CPNE8: variants seen among roughly 807,000 people sequenced by gnomAD.
CPNE8 encodes copine 8.
Under a neutral mutation model 81.5 loss-of-function variants are expected in CPNE8, and 45 were observed. The observed-to-expected ratio is 0.55, with a 90% CI of 0.44 to 0.71. The LOEUF is 0.71. CPNE8 is among the 30% of genes least tolerant of loss of function. CPNE8 has a pLI of 0.00. For missense variants in CPNE8, 594 were observed against 672.1 expected (o/e 0.88, Z 1.28); for synonymous variants, 252 against 226.3 (o/e 1.11, Z -1.02).
chr12:38,868,313 T>C (rs1943944530), intron 3 of CPNE8, among the ~76,000 whole-genome samples: 1 of 152,162 alleles, frequency 6.6e-6, no homozygotes, highest in Non-Finnish European at 1.5e-5. Flanking sequence ...TTGGTCAAAT[T>C]GATAAATAAA....
At chr12:38,795,902 A>AGATAGATAGATAGATAGATAGAT (rs1565620261) in intron 6 of CPNE8, among the ~76,000 whole-genome samples, 1 of 19,468 alleles carries the variant, frequency 5.1e-5, no homozygotes, top group Non-Finnish European at 1.5e-4. Flanking sequence ...GATAGATAGA[A>AGATAGATAGATAGATAGATAGAT]GATAGATAAT....
intron 8 of CPNE8, among the ~76,000 whole-genome samples, chr12:38,765,141 AATGT>A (rs1304026130): frequency 6.6e-6 from 1 of 152,218 alleles, no homozygotes; most frequent in Non-Finnish European, 1.5e-5. Flanking sequence ...TCTCATTTCT[AATGT>A]ATTAGATATC....
intron 13 of CPNE8, among the ~76,000 whole-genome samples, chr12:38,718,785 G>A (rs943159958): frequency 6.6e-6 from 1 of 152,050 alleles, no homozygotes; most frequent in Non-Finnish European, 1.5e-5. Context: ...TTGCAGCTTT[G>A]TTTATAATAA....
At chr12:38,879,072 T>G (rs1944110016) in intron 1 of CPNE8, among the ~76,000 whole-genome samples, 1 of 152,172 alleles carries the variant, frequency 6.6e-6, no homozygotes, top group African/African-American at 2.4e-5. Flanking sequence ...ATAATTTAAG[T>G]GATCTAAATA....
chr12:38,844,259 G>A (rs891580948), intron 4 of CPNE8, among the ~76,000 whole-genome samples: 5 of 152,076 alleles, frequency 3.3e-5, no homozygotes, highest in African/African-American at 1.2e-4. Context: ...CGAATGAGAA[G>A]AGTTATTTCT....
At chr12:38,860,019 A>G (rs1243104489) in intron 3 of CPNE8, among the ~76,000 whole-genome samples, 2 of 152,142 alleles carry the variant, frequency 1.3e-5, no homozygotes, top group Non-Finnish European at 2.9e-5. Context: ...ATTCTTGATT[A>G]TAACACCAAA....
intron 14 of CPNE8, 37 bp downstream of exon 14, chr12:38,702,838 C>T (rs1332152698): frequency 8.0e-7 from 1 of 1,243,740 alleles, no homozygotes; most frequent in Non-Finnish European, 1.1e-6. Flanking sequence ...CATGTAATTG[C>T]TGATGATTTT....
chr12:38,902,315 GGAAAGAAAGAAAGAAAGAAAGAAA>G (rs201678434), intron 1 of CPNE8, among the ~76,000 whole-genome samples: 2 of 83,772 alleles, frequency 2.4e-5, no homozygotes, highest in Non-Finnish European at 2.3e-5. Context: ...AAGGAAGGAA[GGAAAGAAAGAAAGAAAGAAAGAAA>G]GAAAGAAAGA....
At chr12:38,725,528 C>G (rs112041514) in intron 11 of CPNE8, among the ~76,000 whole-genome samples, 1 of 152,076 alleles carries the variant, frequency 6.6e-6, no homozygotes, top group Non-Finnish European at 1.5e-5. Flanking sequence ...ATGGGATAAA[C>G]GTAATACATA....
At chr12:38,696,180 C>G (rs1176542965) in intron 14 of CPNE8, among the ~76,000 whole-genome samples, 2 of 152,140 alleles carry the variant, frequency 1.3e-5, no homozygotes, top group Non-Finnish European at 2.9e-5. Context: ...GCATCTTCCT[C>G]TACACCAGTC....
intron 3 of CPNE8, among the ~76,000 whole-genome samples, chr12:38,867,374 G>C (rs994620174): frequency 1.3e-5 from 2 of 151,744 alleles, no homozygotes; most frequent in African/African-American, 4.8e-5. Context: ...GAGAGACAGA[G>C]AGAGAGAGAG....
At chr12:38,687,985 T>G (rs578055302) in intron 15 of CPNE8, among the ~76,000 whole-genome samples, 63 of 152,320 alleles carry the variant, frequency 4.1e-4, no homozygotes, top group African/African-American at 1.3e-3. Context: ...TATTTAACAT[T>G]CCTTTAAGGT....
At chr12:38,701,221 T>C (rs1404817672) in intron 14 of CPNE8, among the ~76,000 whole-genome samples, 1 of 152,172 alleles carries the variant, frequency 6.6e-6, no homozygotes, top group Non-Finnish European at 1.5e-5. Flanking sequence ...GTTGTTAGAA[T>C]TTACCAGTGA....
At chr12:38,767,242 C>G (rs1941708263) in intron 8 of CPNE8, among the ~76,000 whole-genome samples, 1 of 151,920 alleles carries the variant, frequency 6.6e-6, no homozygotes, top group Non-Finnish European at 1.5e-5. Context: ...GAAAGTTAGT[C>G]TCAGATATTA....
chr12:38,740,908 A>G (rs1332842445), intron 10 of CPNE8, among the ~76,000 whole-genome samples: 1 of 152,152 alleles, frequency 6.6e-6, no homozygotes, highest in Non-Finnish European at 1.5e-5. Flanking sequence ...GCCTCATAAA[A>G]TGAGTTAGGG....
intron 13 of CPNE8, among the ~76,000 whole-genome samples, chr12:38,718,215 A>G (rs1284474359): frequency 2.0e-5 from 3 of 152,186 alleles, no homozygotes; most frequent in Non-Finnish European, 1.5e-5. Context: ...ACTTAAGAAG[A>G]GTCTCCCCTG....
intron 6 of CPNE8, among the ~76,000 whole-genome samples, chr12:38,796,576 C>A (rs1006106188): frequency 6.6e-6 from 1 of 152,042 alleles, no homozygotes; most frequent in Non-Finnish European, 1.5e-5. Flanking sequence ...CCAAGATGGC[C>A]GAATAGGAAC....
chr12:38,840,027 AAACACATAAAT>A, intron 4 of CPNE8, 72 bp from the exon 5 acceptor site: 2 of 1,369,396 alleles, frequency 1.5e-6, no homozygotes, highest in Non-Finnish European at 9.9e-7. Flanking sequence ...GTATTTTCCA[AAACACATAAAT>A]AATATAAAAA....
intron 6 of CPNE8, among the ~76,000 whole-genome samples, chr12:38,809,315 C>T (rs958714679): frequency 6.6e-6 from 1 of 152,144 alleles, no homozygotes; most frequent in Admixed American, 6.6e-5. Flanking sequence ...TTCCACGTGG[C>T]CTCCATGTCT....
Sources: allele counts gnomAD v4.1 joint callset (sites outside exome capture counted in the v4.1 genomes callset), GRCh38; gene constraint gnomAD v4.1.1; transcripts MANE v1.5; gene names NCBI Gene and HGNC (gene_info 2026-07-23, HGNC 2026-07-21).